Variants in CCL17 observed in about 807,000 individuals in gnomAD.
The protein encoded by CCL17 is C-C motif chemokine ligand 17, also known as C-C motif chemokine 17.
A neutral mutation model predicts 7.4 loss-of-function variants in CCL17; 8 were observed. That is an observed-to-expected ratio of 1.09 (90% CI 0.64 to 1.96). The LOEUF is 1.96. Among genes scored for constraint, CCL17 ranks in the 30% most tolerant of loss-of-function variants. CCL17 has a pLI of 0.00. For missense variants in CCL17, 102 were observed against 113.0 expected (o/e 0.90, Z 0.44); for synonymous variants, 40 against 46.1 (o/e 0.87, Z 0.54).
the CCL17 span, among the ~76,000 whole-genome samples, chr16:57,399,126 T>G: frequency 6.6e-6 from 1 of 152,102 alleles, no homozygotes; most frequent in Non-Finnish European, 1.5e-5. Flanking sequence ...CATTGATGAG[T>G]CTAAGATCTT....
chr16:57,414,719 A>G (rs1293793407), intron 2 of CCL17, among the ~76,000 whole-genome samples: 2 of 152,130 alleles, frequency 1.3e-5, no homozygotes, highest in Non-Finnish European at 2.9e-5. Context: ...TTCTTATATT[A>G]GGTTGGGAAA....
intron 1 of CCL17, among the ~76,000 whole-genome samples, chr16:57,412,139 A>G (rs1902794319): frequency 6.6e-6 from 1 of 152,214 alleles, no homozygotes; most frequent in Non-Finnish European, 1.5e-5. Flanking sequence ...GTTTTGGCAG[A>G]GCTCTGTGGG....
chr16:57,400,129 G>A (rs1345611379), upstream of CCL17, among the ~76,000 whole-genome samples: 1 of 151,928 alleles, frequency 6.6e-6, no homozygotes, highest in East Asian at 1.9e-4. Context: ...GGAGGCGGAG[G>A]TGGGCGGATC....
intron 1 of CCL17, among the ~76,000 whole-genome samples, chr16:57,409,616 A>G (rs1902752912): frequency 6.6e-6 from 1 of 152,150 alleles, no homozygotes; most frequent in South Asian, 2.1e-4. Flanking sequence ...GAGGAGGAGA[A>G]GGAGACGGAT....
At chr16:57,408,358 CCATT>C (rs1902731053) in intron 1 of CCL17, among the ~76,000 whole-genome samples, 1 of 152,146 alleles carries the variant, frequency 6.6e-6, no homozygotes, top group African/African-American at 2.4e-5. Context: ...ATCCATTCAC[CCATT>C]CATTCATTCA....
Position 57,413,914 on chromosome 16 carries a change from C to A in CCL17, c.-19C>A. The A allele has an allele frequency of 1.3e-6, 2 of 1,597,504 alleles. No individual in the cohort carries two copies. On this transcript the variant is annotated 5_prime_UTR_variant, in exon 2 of 4. Coordinates refer to ENST00000219244, the MANE Select transcript of CCL17 (RefSeq NM_002987.3). Reference sequence around the variant, plus strand: ...AGAGGGACCTGCACACAGAGACTCCCTCCTGGGCTCCTGGCACCATGGCCC... The same window carrying A: ...AGAGGGACCTGCACACAGAGACTCCATCCTGGGCTCCTGGCACCATGGCCC...
At chr16:57,414,849 C>T (rs1158799387) in intron 2 of CCL17, among the ~76,000 whole-genome samples, 1 of 151,984 alleles carries the variant, frequency 6.6e-6, no homozygotes, top group African/African-American at 2.4e-5. Flanking sequence ...AAAACATGCA[C>T]ACCCACAAAC....
At chr16:57,414,143 A>C (rs1295004837) in intron 2 of CCL17, 141 bp downstream of exon 2, 4 of 582,288 alleles carry the variant, frequency 6.9e-6, no homozygotes, top group Non-Finnish European at 1.2e-5. Context: ...AGCCCACAGC[A>C]CTAGGATTTT....
Position 57,415,660 on chromosome 16 carries a change from C to T in CCL17, c.189-105C>T. On this transcript the variant is annotated intron_variant, in intron 3 of 3. Transcript: ENST00000219244. This position sits in a 1 kb window ranked among gnomAD's most constrained non-coding sequence, Gnocchi z 4.5. ...TGTGTGACAGCAGCAACTTCCTGCCCCTCTTGGAGCCTTGGAATCCTGGTC... is the reference window on the plus strand; with the variant it reads ...TGTGTGACAGCAGCAACTTCCTGCCTCTCTTGGAGCCTTGGAATCCTGGTC... 3 of 726,494 alleles carry T rather than the reference C, an allele frequency of 4.1e-6. No individual in the cohort carries two copies. The highest frequency in any genetic ancestry group is 3.1e-5 in the South Asian group (2 of 65,316). The allele number at this position is 726,494 out of a possible 1,614,324, so 45.0% of individuals were successfully genotyped here. A position where few individuals can be genotyped will look rare whatever the true frequency, so the allele number is the denominator to read the frequency against.
intron 1 of CCL17, among the ~76,000 whole-genome samples, chr16:57,405,155 C>T (rs930135536): frequency 1.3e-5 from 2 of 152,086 alleles, no homozygotes; most frequent in African/African-American, 4.8e-5. Flanking sequence ...GAGCCATTGA[C>T]GGTTTTGGAG....
chr16:57,413,686 CCT>C (rs1271293822), intron 1 of CCL17, among the ~76,000 whole-genome samples, 186 bp from the exon 2 acceptor site: 2 of 152,182 alleles, frequency 1.3e-5, no homozygotes, highest in Non-Finnish European at 2.9e-5. Context: ...ATGTACCCCA[CCT>C]CTGTCTCCAG....
At chr16:57,413,824 A>G in intron 1 of CCL17, 50 bp from the exon 2 acceptor site, 1 of 825,816 alleles carries the variant, frequency 1.2e-6, no homozygotes, top group Non-Finnish European at 1.9e-6. Flanking sequence ...GGGCGGGGCA[A>G]GACCCCCAAA....
the CCL17 span, among the ~76,000 whole-genome samples, chr16:57,396,328 C>T: frequency 6.6e-6 from 1 of 152,118 alleles, no homozygotes; most frequent in East Asian, 1.9e-4. Context: ...GAAGAATATG[C>T]CTTGGCTGGG....
rs1902860845 is a variant in CCL17, at chr16:57,415,810, C to T, written c.234C>T (p.Asn78=). 6.2e-7 allele frequency: 1 copy of T among 1,613,664 alleles called. No homozygotes were observed. Among genetic ancestry groups the T allele is most frequent in the Non-Finnish European group, 8.5e-7 (1 of 1,179,536 alleles). Residue 78 remains asparagine, a synonymous_variant, in exon 4 of 4, where the codon AAC becomes AAT. Transcript: ENST00000219244. The surrounding 1 kb of genome is among the most constrained non-coding windows in gnomAD (Gnocchi z 4.5). ...QGRAICSDPN[N]KRVKNAVKYL... ...GGGCCATCTGTTCGGACCCCAACAA[C>T]AAGAGAGTGAAGAATGCAGTTAAAT...
the CCL17 span, among the ~76,000 whole-genome samples, chr16:57,397,201 C>T: frequency 6.6e-6 from 1 of 152,230 alleles, no homozygotes; most frequent in African/African-American, 2.4e-5. Context: ...GGGATTATGC[C>T]TTTGGCACAC....
At chr16:57,403,394 T>TA (rs548684079), upstream of CCL17, among the ~76,000 whole-genome samples, 244 of 17,270 alleles carry the variant, frequency 0.014, 38 homozygotes, top group African/African-American at 0.13. Flanking sequence ...TTATATATAA[T>TA]ATATATATTA....
chr16:57,404,995 A>C (rs538738342), intron 1 of CCL17, among the ~76,000 whole-genome samples, 159 bp downstream of exon 1: 1 of 152,322 alleles, frequency 6.6e-6, no homozygotes, highest in East Asian at 1.9e-4. Flanking sequence ...GCAGCAAACC[A>C]AGTCACAAAG....
chr16:57,408,962 T>A (rs1348890217), intron 1 of CCL17, among the ~76,000 whole-genome samples: 1 of 152,184 alleles, frequency 6.6e-6, no homozygotes, highest in Non-Finnish European at 1.5e-5. Flanking sequence ...CACCTGCCTC[T>A]GCCTCCGAAA....
At chr16:57,399,263 G>T in the CCL17 span, among the ~76,000 whole-genome samples, 1,244 of 152,078 alleles carry the variant, frequency 8.2e-3, 35 homozygotes, top group East Asian at 0.078. Context: ...ACATTGCCAC[G>T]ACCACCATCA....
Sources: allele counts gnomAD v4.1 joint callset (sites outside exome capture counted in the v4.1 genomes callset), GRCh38; gene constraint gnomAD v4.1.1; non-coding constraint Gnocchi (gnomAD v3.1); transcripts MANE v1.5; gene names NCBI Gene and HGNC (gene_info 2026-07-23, HGNC 2026-07-21).